Variants in DNAH11 observed in about 807,000 individuals in gnomAD.
The protein encoded by DNAH11 is axonemal beta dynein heavy chain 11.
Under a neutral mutation model 526.0 loss-of-function variants are expected in DNAH11, and 442 were observed. That is an observed-to-expected ratio of 0.84 (90% CI 0.78 to 0.91). The LOEUF is 0.91. Among genes scored for constraint, DNAH11 ranks in the 40% least tolerant of loss-of-function variants. The probability of loss-of-function intolerance (pLI) is 0.00; values close to 1 mark genes in which losing one functional copy is unlikely to be tolerated. For synonymous variants in DNAH11, 2,461 were observed against 1,935.9 expected, an observed-to-expected ratio of 1.27 and a Z score of -7.12; for missense variants, 6,989 against 5,448.7, an observed-to-expected ratio of 1.28 and a Z score of -8.90.
chr7:21,825,171 T>G (rs1790225501), intron 65 of DNAH11, among the ~76,000 whole-genome samples: 2 of 152,190 alleles, frequency 1.3e-5, no homozygotes, highest in Non-Finnish European at 2.9e-5. Flanking sequence ...ACACCGGGTC[T>G]ATTACTGTGA....
rs1432803994 is a variant in DNAH11, at chr7:21,687,334, G to T, written c.5779-48G>T. ...ATTGGGAATTATTCAATATAATAGCGTAAAAACCCCTTCTGTTAAATTCTG... is the reference window on the plus strand; with the variant it reads ...ATTGGGAATTATTCAATATAATAGCTTAAAAACCCCTTCTGTTAAATTCTG... On this transcript the variant is annotated intron_variant, in intron 33 of 81. Transcript: ENST00000409508. 3 of 1,577,626 alleles carry T rather than the reference G, an allele frequency of 1.9e-6. No homozygotes were observed. In the East Asian group the frequency reaches 6.7e-5, roughly 35 times the overall value.
chr7:21,865,178 A>G (rs932266677), intron 70 of DNAH11, among the ~76,000 whole-genome samples: 1 of 152,194 alleles, frequency 6.6e-6, no homozygotes, highest in Admixed American at 6.5e-5. Context: ...CAAAGGCCCT[A>G]TTGTTAGAAG....
chr7:21,856,730 C>A (rs1036894436), intron 68 of DNAH11, among the ~76,000 whole-genome samples: 3 of 151,774 alleles, frequency 2.0e-5, no homozygotes, highest in Non-Finnish European at 4.4e-5. Flanking sequence ...GAAAAAAAAG[C>A]TCATATGGTC....
intron 48 of DNAH11, among the ~76,000 whole-genome samples, chr7:21,741,243 C>A (rs1218777726): frequency 6.6e-6 from 1 of 152,126 alleles, no homozygotes; most frequent in African/African-American, 2.4e-5. Flanking sequence ...CTTAACTATG[C>A]ATTTAAGATT....
At chr7:21,657,613 A>C (rs553164542) in intron 29 of DNAH11, among the ~76,000 whole-genome samples, 2 of 152,202 alleles carry the variant, frequency 1.3e-5, no homozygotes, top group Non-Finnish European at 2.9e-5. Flanking sequence ...GACATACAAT[A>C]ATGACTGAAT....
intron 49 of DNAH11, 72 bp downstream of exon 49, chr7:21,742,238 TTA>T: frequency 1.3e-6 from 2 of 1,510,384 alleles, no homozygotes; most frequent in South Asian, 2.5e-5. Context: ...AGCCCATTTT[TTA>T]TGTCACTATA....
chr7:21,762,113 C>A (rs773051032), intron 54 of DNAH11, among the ~76,000 whole-genome samples: 1 of 152,110 alleles, frequency 6.6e-6, no homozygotes, highest in African/African-American at 2.4e-5. Flanking sequence ...GGGAAACCAC[C>A]CCCATGCTCC....
intron 69 of DNAH11, 141 bp downstream of exon 69, chr7:21,862,164 T>G (rs1783089911): frequency 1.1e-6 from 1 of 892,946 alleles, no homozygotes; most frequent in African/African-American, 1.7e-5. Context: ...TGAGGGGAAT[T>G]TGCTTCCCAC....
chr7:21,776,902 C>G (rs1251415559), intron 56 of DNAH11, among the ~76,000 whole-genome samples: 1 of 151,844 alleles, frequency 6.6e-6, no homozygotes, highest in East Asian at 1.9e-4. Context: ...GTACAATCCA[C>G]AGACCTTATT....
chr7:21,655,993 T>G lies in DNAH11; in HGVS notation c.5094+12T>G. 1 of 1,578,924 alleles carries G rather than the reference T, an allele frequency of 6.3e-7. No homozygotes were observed. Among genetic ancestry groups the G allele is most frequent in the Non-Finnish European group, 8.6e-7 (1 of 1,160,532 alleles). On this transcript the variant is annotated intron_variant, in intron 29 of 81. Transcript: ENST00000409508. ...AATGTGTGGGCCATGTAAGATTTGA[T>G]TATGAGGTTTTCTATGCTAGGGGAG...
chr7:21,841,432 G>A (rs887024008), intron 65 of DNAH11, among the ~76,000 whole-genome samples: 5 of 152,128 alleles, frequency 3.3e-5, no homozygotes, highest in Non-Finnish European at 7.3e-5. Flanking sequence ...TAATGTTGAT[G>A]AGGGAAAAAA....
intron 45 of DNAH11, among the ~76,000 whole-genome samples, chr7:21,732,091 G>A (rs1020310912): frequency 5.9e-5 from 9 of 152,312 alleles, no homozygotes; most frequent in African/African-American, 2.2e-4. Flanking sequence ...AGGAGGACAA[G>A]TGTATTAGTT....
rs755139113 is a variant in DNAH11, at chr7:21,789,193, A to C, written c.9925-48A>C. 4.8e-5 allele frequency: 63 copies of C among 1,325,142 alleles called. No individual in the cohort carries two copies. The South Asian group carries it at 7.9e-4, about 17-fold the overall frequency. 82.1% of individuals were successfully genotyped at this position (1,325,142 alleles called of 1,614,324 possible). A position where few individuals can be genotyped will look rare whatever the true frequency, so the allele number is the denominator to read the frequency against. On this transcript the variant is annotated intron_variant, in intron 60 of 81. Transcript: ENST00000409508. ...AAAGCATCCATCCTATCTGGGATTG[A>C]ATGATTACTTATCCTCTTTGTATCT...
intron 65 of DNAH11, among the ~76,000 whole-genome samples, chr7:21,820,040 C>T (rs996701477): frequency 6.6e-6 from 1 of 152,144 alleles, no homozygotes; most frequent in Non-Finnish European, 1.5e-5. Context: ...TGTGTGGGAA[C>T]AACCACTTGT....
intron 74 of DNAH11, among the ~76,000 whole-genome samples, chr7:21,880,275 C>T (rs926384928): frequency 2.6e-5 from 4 of 151,998 alleles, no homozygotes; most frequent in African/African-American, 9.7e-5. Context: ...TCCATGTGCC[C>T]AGAGAACCAG....
At chr7:21,899,141 C>G (rs183813935) in intron 79 of DNAH11, among the ~76,000 whole-genome samples, 195 bp from the exon 80 acceptor site, 22 of 152,342 alleles carry the variant, frequency 1.4e-4, no homozygotes, top group Admixed American at 3.3e-4. Context: ...CTACAGTCAT[C>G]AAGTCTCCAA....
chr7:21,565,421 C>G (rs1377789406), intron 6 of DNAH11, among the ~76,000 whole-genome samples: 1 of 152,164 alleles, frequency 6.6e-6, no homozygotes, highest in Admixed American at 6.5e-5. Flanking sequence ...AGATATTTTT[C>G]AAATGAATTA....
chr7:21,614,593 C>T (rs1413134166), intron 20 of DNAH11, among the ~76,000 whole-genome samples: 1 of 152,136 alleles, frequency 6.6e-6, no homozygotes, highest in East Asian at 1.9e-4. Context: ...TTGATAAAGA[C>T]AGTCATATGG....
At chr7:21,811,287 AC>A (rs370847806) in intron 63 of DNAH11, among the ~76,000 whole-genome samples, 3,010 of 147,916 alleles carry the variant, frequency 0.02, 52 homozygotes, top group African/African-American at 0.047. Context: ...ACATGGTGAA[AC>A]CCCCCCCCCT....
Sources: gnomAD v4.1 joint callset for allele counts (sites outside exome capture counted in the v4.1 genomes callset) on GRCh38, gnomAD v4.1.1 for gene constraint, MANE v1.5 for transcripts, NCBI Gene and HGNC (gene_info 2026-07-23, HGNC 2026-07-21) for gene names.